The following AKAP6 variants were observed in gnomAD, a reference collection of about 807,000 sequenced individuals.
The protein encoded by AKAP6 is A-kinase anchoring protein 6, also known as A-kinase anchor protein 6.
In AKAP6, 58 loss-of-function variants were observed where a neutral mutation model predicts 188.5. That is an observed-to-expected ratio of 0.31 (90% CI 0.25 to 0.38). The LOEUF is 0.38. AKAP6 is among the 10% of genes least tolerant of loss of function. The pLI is 1.00. For synonymous variants in AKAP6, 989 were observed against 998.6 expected, an observed-to-expected ratio of 0.99 and a Z score of 0.18; for missense variants, 2,710 against 2,740.0, an observed-to-expected ratio of 0.99 and a Z score of 0.24.
At chr14:32,553,985 A>G (rs1883591387) in intron 4 of AKAP6, among the ~76,000 whole-genome samples, 1 of 152,252 alleles carries the variant, frequency 6.6e-6, no homozygotes, top group Admixed American at 6.5e-5. Flanking sequence ...CATTCAAGAA[A>G]TAGAATAAAA....
At chr14:32,404,019 G>T (rs1321555701) in intron 1 of AKAP6, among the ~76,000 whole-genome samples, 2 of 152,080 alleles carry the variant, frequency 1.3e-5, no homozygotes, top group Admixed American at 1.3e-4. Flanking sequence ...CGCTCTGAGG[G>T]TATTTAAGTC....
chr14:32,464,966 T>C (rs1878318336), intron 2 of AKAP6, among the ~76,000 whole-genome samples: 1 of 151,978 alleles, frequency 6.6e-6, no homozygotes, highest in Non-Finnish European at 1.5e-5. Context: ...AACAGTCAAA[T>C]CACGAGTGAA....
chr14:32,611,169 A>T (rs1886336185), intron 7 of AKAP6, among the ~76,000 whole-genome samples: 1 of 152,170 alleles, frequency 6.6e-6, no homozygotes, highest in South Asian at 2.1e-4. Context: ...AGGGTTAACG[A>T]TGACTTAAAG....
chr14:32,822,024 A>T lies in AKAP6; in HGVS notation c.4211A>T (p.Asp1404Val). 6.2e-7 allele frequency: 1 copy of T among 1,613,962 alleles called. No homozygotes were observed. Among genetic ancestry groups the T allele is most frequent in the Non-Finnish European group, 8.5e-7 (1 of 1,179,940 alleles). ...GAACATCTGGACCCACAAATGGGAG[A>T]TGCAGTTAACGTGTTAAAGCAAAAA... Reference protein sequence around the residue: ...ETEHLDPQMGDAVNVLKQKFT... With the variant: ...ETEHLDPQMGVAVNVLKQKFT... Residue 1404 changes from aspartate (D) to valine (V), a missense_variant, in exon 13 of 14, where the codon GAT (aspartate) becomes GTT (valine). Physicochemically the swap from Asp to Val is radical, Grantham distance 152. Around this residue, in one of 2 missense-constraint regions of AKAP6, gnomAD observed 2,473 missense variants for 2,426.1 expected, o/e 1.02. Transcript: ENST00000280979.
At chr14:32,725,358 C>G (rs1199968592) in intron 9 of AKAP6, among the ~76,000 whole-genome samples, 1 of 152,216 alleles carries the variant, frequency 6.6e-6, no homozygotes, top group Non-Finnish European at 1.5e-5. Flanking sequence ...AGCCTACTCC[C>G]CGCTGGGGTC....
intron 11 of AKAP6, among the ~76,000 whole-genome samples, chr14:32,758,412 T>A (rs2032418665): frequency 6.6e-6 from 1 of 152,168 alleles, no homozygotes; most frequent in African/African-American, 2.4e-5. Context: ...ATATAGGTAA[T>A]AAACCTGTAT....
intron 2 of AKAP6, among the ~76,000 whole-genome samples, chr14:32,533,572 G>C (rs1437234212): frequency 6.6e-6 from 1 of 152,178 alleles, no homozygotes; most frequent in African/African-American, 2.4e-5. Context: ...GGGGGGAAGT[G>C]TACAGAATTT....
chr14:32,422,405 G>T (rs772531842), intron 1 of AKAP6, among the ~76,000 whole-genome samples: 6 of 152,140 alleles, frequency 3.9e-5, no homozygotes, highest in African/African-American at 1.4e-4. Context: ...TGTAGCAAAA[G>T]GATACAAATA....
In AKAP6 at chr14:32,527,627, T is replaced by A. The variant is rs1238588924; in HGVS notation, c.325-7927T>A. Among the ~76,000 whole-genome samples, 3 of 152,230 alleles carry A rather than the reference T, an allele frequency of 2.0e-5. No homozygotes were observed. In the East Asian group the frequency reaches 5.8e-4, roughly 29 times the overall value. On this transcript the variant is annotated intron_variant, in intron 2 of 13. Transcript: ENST00000280979. ...TGTCAATATTCTGAATTTTGGCCAT[T>A]CTAATGATTATGTAATGGTATCTCA...
At chr14:32,478,147 G>A (rs1879163178) in intron 2 of AKAP6, among the ~76,000 whole-genome samples, 1 of 152,156 alleles carries the variant, frequency 6.6e-6, no homozygotes, top group South Asian at 2.1e-4. Flanking sequence ...GGCATGTGCT[G>A]AGCATTTGCC....
chr14:32,800,959 G>A (rs2033930351), intron 12 of AKAP6, among the ~76,000 whole-genome samples: 1 of 152,162 alleles, frequency 6.6e-6, no homozygotes. Context: ...CCAGGCTGCA[G>A]TGAGCCATGA....
intron 1 of AKAP6, among the ~76,000 whole-genome samples, chr14:32,378,941 C>T (rs1334150604): frequency 2.9e-5 from 4 of 136,780 alleles, no homozygotes; most frequent in Non-Finnish European, 6.2e-5. Context: ...TTTTTGAGAC[C>T]GAATTTCACT....
At chr14:32,718,754 C>T (rs915548692) in intron 9 of AKAP6, among the ~76,000 whole-genome samples, 30 of 152,136 alleles carry the variant, frequency 2.0e-4, no homozygotes, top group African/African-American at 7.2e-4. Flanking sequence ...AAAGATAAAG[C>T]AATCACACTG....
At chr14:32,650,774 T>G (rs1888187768) in intron 7 of AKAP6, among the ~76,000 whole-genome samples, 1 of 152,182 alleles carries the variant, frequency 6.6e-6, no homozygotes, top group Non-Finnish European at 1.5e-5. Flanking sequence ...CACCCTGTTT[T>G]GCGTTTACCT....
intron 12 of AKAP6, among the ~76,000 whole-genome samples, chr14:32,796,997 A>T (rs529876835): frequency 6.6e-6 from 1 of 152,366 alleles, no homozygotes; most frequent in East Asian, 1.9e-4. Flanking sequence ...TCTTCTCAAA[A>T]GACATACATG....
chr14:32,546,085 A>G lies in AKAP6; in HGVS notation c.1432A>G (p.Ile478Val). Residue 478 changes from isoleucine (I) to valine (V), a missense_variant, in exon 4 of 14, where the codon ATT (isoleucine) becomes GTT (valine). Ile to Val is a conservative substitution (Grantham distance 29). This residue lies in a region of AKAP6 where 2,473 missense variants were observed against 2,426.1 expected (regional missense o/e 1.02). Transcript: ENST00000280979. ...CACAGTCAAATTTCACATTAAAGAA[A>G]TTTCTTCCAGCCTGGGAAGGCTTAA... ...ENTVKFHIKEISSSLGRLNDC... is the reference protein window; with the variant it reads ...ENTVKFHIKEVSSSLGRLNDC... 1 of 1,614,132 alleles carries G rather than the reference A, an allele frequency of 6.2e-7. No homozygotes were observed. The highest frequency in any genetic ancestry group is 8.5e-7 in the Non-Finnish European group (1 of 1,180,010).
At chr14:32,736,578 T>C (rs12878600) in intron 11 of AKAP6, among the ~76,000 whole-genome samples, 35,060 of 152,068 alleles carry the variant, frequency 0.23, 4,082 homozygotes, top group Non-Finnish European at 0.25. Flanking sequence ...CAGTCATTAT[T>C]TGGGTTCTGG....
At chr14:32,590,520 T>C (rs1885446018) in intron 5 of AKAP6, among the ~76,000 whole-genome samples, 1 of 152,156 alleles carries the variant, frequency 6.6e-6, no homozygotes, top group South Asian at 2.1e-4. Flanking sequence ...ATAAAAGCAG[T>C]GTTAGAATCA....
intron 7 of AKAP6, among the ~76,000 whole-genome samples, chr14:32,622,240 G>A (rs373623009): frequency 3.9e-5 from 6 of 152,162 alleles, no homozygotes; most frequent in African/African-American, 1.4e-4. Flanking sequence ...CAAGGAAAGG[G>A]AATGTTGATT....
Sources: allele counts gnomAD v4.1 joint callset (sites outside exome capture counted in the v4.1 genomes callset), GRCh38; gene constraint gnomAD v4.1.1; regional missense constraint gnomAD v4.1.1; transcripts MANE v1.5; gene names NCBI Gene and HGNC (gene_info 2026-07-23, HGNC 2026-07-21).